SEMA3A: variants seen among roughly 807,000 people sequenced by gnomAD.
SEMA3A encodes the protein semaphorin-3A.
A neutral mutation model predicts 97.9 loss-of-function variants in SEMA3A; 29 were observed. The ratio of observed to expected loss-of-function variants is 0.30; its 90% CI spans 0.22 to 0.40. The LOEUF is 0.40. Among genes scored for constraint, SEMA3A ranks in the 10% least tolerant of loss-of-function variants. The probability of loss-of-function intolerance (pLI) is 1.00; values close to 1 mark genes in which losing one functional copy is unlikely to be tolerated. For missense variants in SEMA3A, 763 were observed against 951.3 expected (o/e 0.80, Z 2.60); for synonymous variants, 321 against 323.7 (o/e 0.99, Z 0.09).
intron 1 of SEMA3A, among the ~76,000 whole-genome samples, chr7:84,161,679 G>C (rs571977905): frequency 9.2e-5 from 14 of 152,032 alleles, no homozygotes; most frequent in Non-Finnish European, 2.1e-4. Context: ...AGATCTTTAT[G>C]GTCTAATTTT....
chr7:84,121,453 C>T (rs1368455784), intron 3 of SEMA3A, among the ~76,000 whole-genome samples: 1 of 150,522 alleles, frequency 6.6e-6, no homozygotes, highest in Non-Finnish European at 1.5e-5. Context: ...TGAGTGAGAA[C>T]ATGCAGTGTT....
intron 4 of SEMA3A, among the ~76,000 whole-genome samples, chr7:84,088,172 C>T (rs1392222675): frequency 6.6e-6 from 1 of 152,096 alleles, no homozygotes; most frequent in Non-Finnish European, 1.5e-5. Context: ...TGAAAGTATG[C>T]TTGCCAGGCG....
chr7:84,478,679 TA>T (rs928647274), intron 1 of SEMA3A, among the ~76,000 whole-genome samples: 8 of 150,796 alleles, frequency 5.3e-5, no homozygotes, highest in South Asian at 2.1e-4. Context: ...ACAAGAATAT[TA>T]AAAAAAAACA....
At chr7:84,435,983 A>C (rs1326746494) in intron 1 of SEMA3A, among the ~76,000 whole-genome samples, 1 of 152,206 alleles carries the variant, frequency 6.6e-6, no homozygotes, top group Non-Finnish European at 1.5e-5. Context: ...AAAAACAGAC[A>C]CATAGATTAA....
intron 3 of SEMA3A, among the ~76,000 whole-genome samples, chr7:84,283,896 A>T (rs1800517060): frequency 6.6e-6 from 1 of 152,146 alleles, no homozygotes; most frequent in Non-Finnish European, 1.5e-5. Flanking sequence ...GGAATAAAAT[A>T]AATTAAATTT....
chr7:84,206,992 C>T (rs773525182), intron 3 of SEMA3A, among the ~76,000 whole-genome samples: 29 of 152,146 alleles, frequency 1.9e-4, no homozygotes, highest in Non-Finnish European at 3.4e-4. Flanking sequence ...AATTATTTAT[C>T]CTAATTATAG....
chr7:84,017,647 C>T (rs1277665580), intron 6 of SEMA3A, among the ~76,000 whole-genome samples: 1 of 152,208 alleles, frequency 6.6e-6, no homozygotes, highest in Non-Finnish European at 1.5e-5. Context: ...TAATGTTTCA[C>T]ATTTAGAAAA....
chr7:84,003,388 A>G (rs1790538314), intron 11 of SEMA3A, among the ~76,000 whole-genome samples: 1 of 152,152 alleles, frequency 6.6e-6, no homozygotes, highest in South Asian at 2.1e-4. Context: ...ATTTCAAACA[A>G]TTTCACACAA....
intron 1 of SEMA3A, among the ~76,000 whole-genome samples, chr7:84,446,929 GGCTGCA>G (rs1215376937): frequency 1.3e-5 from 2 of 152,044 alleles, no homozygotes; most frequent in Non-Finnish European, 2.9e-5. Flanking sequence ...CCGCACTCTT[GGCTGCA>G]GCTGCAGCTG....
intron 3 of SEMA3A, among the ~76,000 whole-genome samples, chr7:84,277,913 T>A (rs1800349967): frequency 6.6e-6 from 1 of 152,172 alleles, no homozygotes; most frequent in Non-Finnish European, 1.5e-5. Context: ...AAGTGGTAGC[T>A]ACACAGCCTG....
rs1187059017 is a variant in SEMA3A at position 84,121,111 on chromosome 7, G to GAT, written c.333+8011_333+8012insAT. On this transcript the variant is annotated intron_variant, in intron 3 of 16. Transcript: ENST00000265362. ...ATATCTGCCCTTTGCTCCAGAGGGA[G>GAT]ACACTCTGTTTCCCAAGACCATTTG... is the stretch of plus-strand genomic sequence containing the variant. 7.6e-5 allele frequency among the ~76,000 whole-genome samples: 4 copies of GAT among 52,424 alleles called. No individual in the cohort carries two copies. The East Asian group carries it at 5.9e-3, about 77-fold the overall frequency. The allele number at this position is 52,424 out of a possible 152,430, so 34.4% of individuals were successfully genotyped here.
intron 3 of SEMA3A, among the ~76,000 whole-genome samples, chr7:84,224,770 C>A (rs1798951835): frequency 1.3e-5 from 2 of 152,022 alleles, no homozygotes; most frequent in African/African-American, 4.8e-5. Context: ...ATTTGTCACT[C>A]TCCAGTTGAA....
At chr7:84,466,648 G>C (rs1233343449) in intron 1 of SEMA3A, among the ~76,000 whole-genome samples, 2 of 152,152 alleles carry the variant, frequency 1.3e-5, no homozygotes, top group Non-Finnish European at 2.9e-5. Context: ...CTCCATCCAA[G>C]ATGAACCTGA....
At chr7:84,041,942 T>C (rs1436700069) in intron 6 of SEMA3A, among the ~76,000 whole-genome samples, 1 of 152,150 alleles carries the variant, frequency 6.6e-6, no homozygotes, top group Non-Finnish European at 1.5e-5. Flanking sequence ...TTGGATACTC[T>C]GACGTTTTTT....
chr7:83,965,191 G>A lies in SEMA3A; in HGVS notation c.1718-1844C>T, dbSNP rs370484191. ...CCTGACCTCGTGATCCGCCCGCCTC[G>A]GCCTCCCAAAGTGCTGGGATTACAG... On this transcript the variant is annotated intron_variant, in intron 15 of 16. Coordinates refer to ENST00000265362, the MANE Select transcript of SEMA3A (RefSeq NM_006080.3). Among the ~76,000 whole-genome samples, 7 of 150,830 alleles carry A rather than the reference G, an allele frequency of 4.6e-5. No individual in the cohort carries two copies. In the East Asian group the frequency reaches 5.9e-4, roughly 13 times the overall value.
intron 1 of SEMA3A, among the ~76,000 whole-genome samples, chr7:84,179,122 C>T (rs754108476): frequency 1.3e-5 from 2 of 152,130 alleles, no homozygotes; most frequent in Non-Finnish European, 2.9e-5. Flanking sequence ...GACATACTTG[C>T]CTACCTTTCC....
chr7:84,387,504 G>A (rs1019165824), intron 1 of SEMA3A, among the ~76,000 whole-genome samples: 2 of 152,066 alleles, frequency 1.3e-5, no homozygotes, highest in Non-Finnish European at 2.9e-5. Flanking sequence ...ATTTAATTTT[G>A]TTTTGGACAA....
intron 15 of SEMA3A, among the ~76,000 whole-genome samples, chr7:83,970,440 C>T (rs1355551010): frequency 6.6e-6 from 1 of 152,162 alleles, no homozygotes; most frequent in Non-Finnish European, 1.5e-5. Flanking sequence ...GAAGGCATCA[C>T]ATTTCAGCTT....
At chr7:84,453,287 G>C (rs1805606824) in intron 1 of SEMA3A, among the ~76,000 whole-genome samples, 1 of 149,500 alleles carries the variant, frequency 6.7e-6, no homozygotes, top group African/African-American at 2.5e-5. Context: ...CCAGGCTGGA[G>C]TGCAGTGGCG....
Sources: gnomAD v4.1 joint callset for allele counts (sites outside exome capture counted in the v4.1 genomes callset) on GRCh38, gnomAD v4.1.1 for gene constraint, MANE v1.5 for transcripts, NCBI Gene and HGNC (gene_info 2026-07-23, HGNC 2026-07-21) for gene names.